Variants in STRN3 observed in about 807,000 individuals in gnomAD.
STRN3 encodes striatin-3.
Under a neutral mutation model 95.6 loss-of-function variants are expected in STRN3, and 29 were observed. That is an observed-to-expected ratio of 0.30 (90% CI 0.23 to 0.41). The LOEUF (loss-of-function observed/expected upper bound fraction) is 0.41. Among genes scored for constraint, STRN3 ranks in the 10% least tolerant of loss-of-function variants. The pLI is 1.00. For synonymous variants in STRN3, 331 were observed against 357.6 expected (o/e 0.93, Z 0.84); for missense variants, 890 against 972.1 (o/e 0.92, Z 1.12).
chr14:30,924,291 T>A (rs1352649879), intron 8 of STRN3, among the ~76,000 whole-genome samples: 18 of 75,036 alleles, frequency 2.4e-4, no homozygotes, highest in Non-Finnish European at 4.4e-4. Flanking sequence ...TTAAATCTTT[T>A]TTTTTTTTTT....
At chr14:30,961,344 T>G (rs545202953) in intron 1 of STRN3, among the ~76,000 whole-genome samples, 1 of 152,308 alleles carries the variant, frequency 6.6e-6, no homozygotes, top group South Asian at 2.1e-4. Context: ...AAGAACATTA[T>G]ATACAGTCAT....
Position 30,895,296 on chromosome 14 carries a change from T to C in STRN3, c.*115A>G. 2.9e-6 allele frequency: 3 copies of C among 1,047,100 alleles called. No individual in the cohort carries two copies. The highest frequency in any genetic ancestry group is 1.9e-5 in the South Asian group (1 of 52,560). 64.9% of individuals were successfully genotyped at this position (1,047,100 alleles called of 1,614,324 possible). On this transcript the variant is annotated 3_prime_UTR_variant, in exon 18 of 18. Coordinates refer to ENST00000357479, the MANE Select transcript of STRN3 (RefSeq NM_001083893.2). ...TCCACCAATTTGTGCCTGCCCCAGA[T>C]AGCCTTCACCAGGCAGATCACATGT...
At chr14:30,898,659 C>T (rs1452207564) in intron 16 of STRN3, among the ~76,000 whole-genome samples, 1 of 152,196 alleles carries the variant, frequency 6.6e-6, no homozygotes, top group East Asian at 1.9e-4. Flanking sequence ...TAACGAGGAC[C>T]TCTCCTTCAC....
chr14:31,021,643 AAAGTGAT>A (rs1307657286), intron 1 of STRN3, among the ~76,000 whole-genome samples: 1 of 152,242 alleles, frequency 6.6e-6, no homozygotes, highest in Non-Finnish European at 1.5e-5. Flanking sequence ...CATATGAAGA[AAAGTGAT>A]AAGTGGATGA....
chr14:30,924,162 C>T (rs1223256727), intron 8 of STRN3, among the ~76,000 whole-genome samples: 1 of 138,062 alleles, frequency 7.2e-6, no homozygotes, highest in African/African-American at 2.7e-5. Flanking sequence ...TAAATATATA[C>T]TAATATATTT....
intron 1 of STRN3, among the ~76,000 whole-genome samples, chr14:31,012,890 G>T (rs555194608): frequency 4.1e-5 from 6 of 145,070 alleles, no homozygotes; most frequent in Middle Eastern, 3.6e-3. Context: ...GCAAAACTCC[G>T]TCTCAAAAAA....
At chr14:30,951,012 CTT>C in intron 3 of STRN3, 68 bp from the exon 4 acceptor site, 1 of 1,359,008 alleles carries the variant, frequency 7.4e-7, no homozygotes, top group Non-Finnish European at 1.0e-6. Context: ...CCAAAGTTTT[CTT>C]AGGGATAAAT....
At chr14:31,006,422 G>A (rs1882717226) in intron 1 of STRN3, among the ~76,000 whole-genome samples, 1 of 151,616 alleles carries the variant, frequency 6.6e-6, no homozygotes, top group South Asian at 2.1e-4. Flanking sequence ...TAGCCCAGGT[G>A]TGGTGGCTCA....
chr14:30,937,918 A>G (rs1305668608), intron 5 of STRN3, among the ~76,000 whole-genome samples: 1 of 152,148 alleles, frequency 6.6e-6, no homozygotes, highest in Admixed American at 6.6e-5. Flanking sequence ...CTTGGTTTCC[A>G]TGAGGCAGTG....
Position 30,927,378 on chromosome 14 carries a change from A to T in STRN3, c.1099+1823T>A, listed in dbSNP as rs186293627. 5.8e-3 allele frequency among the ~76,000 whole-genome samples: 883 copies of T among 152,080 alleles called. 5 individuals carry two copies. Among genetic ancestry groups the T allele is most frequent in the African/African-American group, 0.02 (836 of 41,526 alleles). On this transcript the variant is annotated intron_variant, in intron 8 of 17. Transcript: ENST00000357479. ...ACATACTTTTTTTAATTAAAAAAAA[A>T]ATTTTAAGAAAAGTTTAAAAGCAAG...
rs61756203 is a variant in STRN3 at position 30,911,072 on chromosome 14, C to T, written c.1689G>A (p.Pro563=). The T allele has an allele frequency of 1.5e-5, 25 of 1,613,870 alleles. No homozygotes were observed. The highest frequency in any genetic ancestry group is 2.7e-5 in the African/African-American group (2 of 74,880). ...IDATIQWWNM[P]SPSVDPYDTY... is the part of the protein sequence containing the mutation. ...TATCATATGGATCTACACTGGGACT[C>T]GGCATATTCCACCACTGGATGGTTG... Residue 563 remains proline (P), a synonymous_variant, in exon 13 of 18, where the codon CCG becomes CCA. Transcript: ENST00000357479.
rs1882902551 is a variant in STRN3, at chr14:31,010,132, CAAAA to C, written c.282+15768_282+15771del. Among the ~76,000 whole-genome samples the C allele has an allele frequency of 1.3e-5, 2 of 151,914 alleles. 1 individual carries two copies. The highest frequency in any genetic ancestry group is 4.2e-4 in the South Asian group (2 of 4,814). ...TAAAAAACAAAAGTAAAATAAAAAA[CAAAA>C]GAAGAAATCAGTAAAAAAGGAAATA... On this transcript the variant is annotated intron_variant, in intron 1 of 17. Coordinates refer to ENST00000357479, the MANE Select transcript of STRN3 (RefSeq NM_001083893.2).
chr14:30,904,420 A>G (rs1896406595), intron 15 of STRN3, among the ~76,000 whole-genome samples: 1 of 152,184 alleles, frequency 6.6e-6, no homozygotes, highest in Non-Finnish European at 1.5e-5. Context: ...TGATGATACC[A>G]AAAACACCAC....
At chr14:30,994,090 G>A (rs1411671420) in intron 1 of STRN3, among the ~76,000 whole-genome samples, 1 of 151,940 alleles carries the variant, frequency 6.6e-6, no homozygotes, top group Non-Finnish European at 1.5e-5. Flanking sequence ...TGGTCAGACT[G>A]GTCTTGAACT....
chr14:30,998,224 G>A (rs535073388), intron 1 of STRN3, among the ~76,000 whole-genome samples: 2 of 152,306 alleles, frequency 1.3e-5, no homozygotes, highest in South Asian at 2.1e-4. Context: ...CTGTAATCAA[G>A]CTCATCCAGC....
At chr14:31,025,042 C>A (rs1883729701) in intron 1 of STRN3, 1 of 152,208 alleles carries the variant, frequency 6.6e-6, no homozygotes, top group Non-Finnish European at 1.5e-5. Flanking sequence ...GAGAACATCT[C>A]ACTTTGCTTC....
chr14:31,020,566 T>C (rs113540300), intron 1 of STRN3, among the ~76,000 whole-genome samples: 9 of 152,248 alleles, frequency 5.9e-5, no homozygotes, highest in African/African-American at 1.7e-4. Flanking sequence ...ATATACAGGT[T>C]TCCTATCACC....
At chr14:30,926,550 ATACTTCTTATAAT>A (rs1400023298) in intron 8 of STRN3, among the ~76,000 whole-genome samples, 2 of 151,752 alleles carry the variant, frequency 1.3e-5, no homozygotes, top group Non-Finnish European at 2.9e-5. Context: ...ACTTCTTATA[ATACTTCTTATAAT>A]TACTTCTTAT....
At chr14:30,930,886 C>A (rs767360562) in intron 7 of STRN3, among the ~76,000 whole-genome samples, 2 of 151,932 alleles carry the variant, frequency 1.3e-5, no homozygotes, top group African/African-American at 2.4e-5. Context: ...TAAAGCAAGA[C>A]AAATTGATAC....
Sources: gnomAD v4.1 joint callset for allele counts (sites outside exome capture counted in the v4.1 genomes callset) on GRCh38, gnomAD v4.1.1 for gene constraint, MANE v1.5 for transcripts, NCBI Gene and HGNC (gene_info 2026-07-23, HGNC 2026-07-21) for gene names.